The following PTPRD variants were observed in gnomAD, a reference collection of about 807,000 sequenced individuals.
The protein encoded by PTPRD is protein tyrosine phosphatase receptor type D.
Under a neutral mutation model 214.5 loss-of-function variants are expected in PTPRD, and 34 were observed. That is an observed-to-expected ratio of 0.16 (90% CI 0.12 to 0.21). PTPRD has a LOEUF of 0.21. Among genes scored for constraint, PTPRD ranks in the 10% least tolerant of loss-of-function variants. PTPRD has a pLI of 1.00. For synonymous variants in PTPRD, 1,128 were observed against 845.7 expected, an observed-to-expected ratio of 1.33 and a Z score of -5.79; for missense variants, 2,545 against 2,398.7, an observed-to-expected ratio of 1.06 and a Z score of -1.27.
intron 9 of PTPRD, among the ~76,000 whole-genome samples, chr9:9,276,102 T>A (rs151323642): frequency 8.5e-4 from 129 of 151,428 alleles, no homozygotes; most frequent in African/African-American, 3.0e-3. Flanking sequence ...TAACCCCAGC[T>A]AACATTTCAA....
chr9:9,564,163 C>A (rs552305063), intron 8 of PTPRD, among the ~76,000 whole-genome samples: 53 of 152,212 alleles, frequency 3.5e-4, no homozygotes, highest in Admixed American at 2.4e-3. Context: ...ACCAGCTGAG[C>A]TTTTTAAAGT....
intron 2 of PTPRD, among the ~76,000 whole-genome samples, chr9:10,441,267 A>T (rs1323088888): frequency 2.0e-5 from 3 of 151,672 alleles, no homozygotes; most frequent in African/African-American, 7.2e-5. Context: ...CATACGGTGA[A>T]AGGCCTTTCC....
intron 11 of PTPRD, among the ~76,000 whole-genome samples, chr9:8,849,118 G>A (rs1262620730): frequency 6.7e-6 from 1 of 149,370 alleles, no homozygotes; most frequent in Non-Finnish European, 1.5e-5. Context: ...GGTTTCTAAT[G>A]AATAATTATT....
chr9:9,740,885 G>C (rs1412637175), intron 6 of PTPRD, among the ~76,000 whole-genome samples: 1 of 152,110 alleles, frequency 6.6e-6, no homozygotes, highest in Non-Finnish European at 1.5e-5. Flanking sequence ...TCTAAACAGA[G>C]AAAATACCAT....
intron 3 of PTPRD, among the ~76,000 whole-genome samples, chr9:10,285,953 A>C (rs1344283534): frequency 6.6e-6 from 1 of 152,104 alleles, no homozygotes; most frequent in East Asian, 1.9e-4. Context: ...AATAGGTACC[A>C]GACTCAATAG....
chr9:9,120,448 G>A (rs1242707531), intron 10 of PTPRD, among the ~76,000 whole-genome samples: 2 of 152,158 alleles, frequency 1.3e-5, no homozygotes, highest in African/African-American at 2.4e-5. Flanking sequence ...AATTATCATT[G>A]ACTCCTGTAT....
At chr9:8,987,316 T>G (rs913697011) in intron 11 of PTPRD, among the ~76,000 whole-genome samples, 9 of 152,182 alleles carry the variant, frequency 5.9e-5, no homozygotes, top group African/African-American at 2.2e-4. Context: ...TCATTAGGGT[T>G]CAGGATTTCG....
intron 2 of PTPRD, among the ~76,000 whole-genome samples, chr9:10,486,933 C>T (rs2099136704): frequency 6.6e-6 from 1 of 152,092 alleles, no homozygotes; most frequent in South Asian, 2.1e-4. Context: ...TTTATTGGGG[C>T]CTACATCTCT....
chr9:10,492,898 G>C (rs2040810180), intron 2 of PTPRD, among the ~76,000 whole-genome samples: 1 of 151,926 alleles, frequency 6.6e-6, no homozygotes, highest in South Asian at 2.1e-4. Context: ...AGCAACTTAA[G>C]CAAGGTCTCA....
intron 3 of PTPRD, among the ~76,000 whole-genome samples, chr9:10,331,091 T>C (rs1176144554): frequency 6.6e-6 from 1 of 151,860 alleles, no homozygotes; most frequent in Non-Finnish European, 1.5e-5. Context: ...CAGATGCAGA[T>C]GCCTTCTGCA....
At chr9:9,311,167 C>G (rs1569567266) in intron 9 of PTPRD, among the ~76,000 whole-genome samples, 1 of 152,098 alleles carries the variant, frequency 6.6e-6, no homozygotes, top group South Asian at 2.1e-4. Context: ...ATGAAATTAT[C>G]TCAGAACAAC....
intron 34 of PTPRD, among the ~76,000 whole-genome samples, chr9:8,440,878 T>C (rs888868671): frequency 6.6e-5 from 10 of 152,190 alleles, no homozygotes; most frequent in African/African-American, 2.4e-4. Context: ...AGTCCAGCAC[T>C]TTCACTTTAT....
intron 5 of PTPRD, among the ~76,000 whole-genome samples, chr9:9,815,478 C>A (rs573152066): frequency 2.6e-5 from 4 of 151,836 alleles, no homozygotes; most frequent in East Asian, 1.9e-4. Context: ...TAGATGACAC[C>A]GAAAGCAAAG....
chr9:9,789,796 CAAAAAAAAA>C (rs774579667), intron 5 of PTPRD, among the ~76,000 whole-genome samples: 2 of 40,830 alleles, frequency 4.9e-5, no homozygotes, highest in African/African-American at 1.6e-4. Flanking sequence ...AACTCTGTCT[CAAAAAAAAA>C]AAAAAAAAAA....
At chr9:9,069,406 G>C (rs1352501320) in intron 10 of PTPRD, among the ~76,000 whole-genome samples, 1 of 152,200 alleles carries the variant, frequency 6.6e-6, no homozygotes, top group Non-Finnish European at 1.5e-5. Flanking sequence ...TGACTAGAAT[G>C]AGCTGGTTTG....
chr9:10,197,938 T>A (rs927107974), intron 3 of PTPRD, among the ~76,000 whole-genome samples: 1 of 152,142 alleles, frequency 6.6e-6, no homozygotes, highest in Non-Finnish European at 1.5e-5. Context: ...TATAACTTAA[T>A]ACTTCTATGA....
At chr9:8,785,163 G>A (rs891821720) in intron 11 of PTPRD, among the ~76,000 whole-genome samples, 11 of 152,010 alleles carry the variant, frequency 7.2e-5, no homozygotes, top group African/African-American at 1.4e-4. Flanking sequence ...ACACAAATAT[G>A]TACAAGAAAA....
chr9:9,845,771 A>T (rs868683440), intron 5 of PTPRD, among the ~76,000 whole-genome samples: 9 of 152,190 alleles, frequency 5.9e-5, no homozygotes, highest in Admixed American at 3.9e-4. Context: ...GACAAGACAA[A>T]GTAAATCATA....
intron 11 of PTPRD, among the ~76,000 whole-genome samples, chr9:8,749,101 A>T (rs926753810): frequency 1.3e-5 from 2 of 152,190 alleles, no homozygotes; most frequent in Non-Finnish European, 2.9e-5. Context: ...TAAGAAAAAA[A>T]AAGTAGAAGT....
Sources: allele counts gnomAD v4.1 joint callset (sites outside exome capture counted in the v4.1 genomes callset), GRCh38; gene constraint gnomAD v4.1.1; transcripts MANE v1.5; gene names NCBI Gene and HGNC (gene_info 2026-07-23, HGNC 2026-07-21).